The following RPS19BP1 variants were observed in gnomAD, a reference collection of about 807,000 sequenced individuals.
RPS19BP1 encodes the protein ribosomal protein S19 binding protein 1, also known as active regulator of SIRT1.
Under a neutral mutation model 16.6 loss-of-function variants are expected in RPS19BP1, and 14 were observed. The ratio of observed to expected loss-of-function variants is 0.84; its 90% confidence interval spans 0.56 to 1.32. The LOEUF is 1.32. Among genes scored for constraint, RPS19BP1 ranks in the 40% most tolerant of loss-of-function variants. RPS19BP1 has a pLI of 0.00. For missense variants in RPS19BP1, 188 were observed against 178.6 expected (o/e 1.05, Z -0.30); for synonymous variants, 90 against 77.3 (o/e 1.16, Z -0.86).
chr22:39,532,691 G>GGACGCCGCCAGCAGCTCCA lies in RPS19BP1; in HGVS notation c.29_47dup (p.Glu17GlyfsTer78). 1 of 1,544,520 alleles carries GGACGCCGCCAGCAGCTCCA rather than the reference G, an allele frequency of 6.5e-7. No individual in the cohort carries two copies. The highest frequency in any genetic ancestry group is 8.7e-7 in the Non-Finnish European group (1 of 1,148,090). ...CCCCTGGCCAGCCCTCCTCACCCTC[G>GGACGCCGCCAGCAGCTCCA]GACGCCGCCAGCAGCTCCAGGCCCC... On this transcript the variant is annotated frameshift_variant, in exon 1 of 4. Transcript: ENST00000334678. LOFTEE classifies it high-confidence loss of function.
intron 2 of RPS19BP1, chr22:39,530,725 C>CAA (rs113260203): frequency 1.8e-4 from 16 of 90,508 alleles, no homozygotes; most frequent in South Asian, 1.1e-3. Context: ...GACTCCATCT[C>CAA]AAAAAAAAAA....
Position 39,529,907 on chromosome 22 carries a change from C to G in RPS19BP1, c.192G>C (p.Arg64=). ...KVPKSALDEY[R]KRECRDHLRV... ...TGAGGTGGTCTCGACACTCTCGCTT[C>G]CGGTACTCGTCTGTGGGTAGCAGGC... The change falls in exon 3 of 4, where the codon CGG becomes CGC. Residue 64 remains arginine (R), a synonymous_variant. Coordinates refer to ENST00000334678, the MANE Select transcript of RPS19BP1 (RefSeq NM_194326.4). 2 of 1,614,140 alleles carry G rather than the reference C, an allele frequency of 1.2e-6. No individual in the cohort carries two copies. The highest frequency in any genetic ancestry group is 1.7e-6 in the Non-Finnish European group (2 of 1,179,952).
Position 39,529,634 on chromosome 22 carries a change from T to G in RPS19BP1, c.280-11A>C, listed in dbSNP as rs771103013. ...GTTCTGGCGCAAAATCTGGCGAGGG[T>G]GCGGGACCGAGGGCCCATCATTTCA... On this transcript the variant is annotated splice_polypyrimidine_tract_variant and intron_variant, in intron 3 of 3. Transcript: ENST00000334678. The G allele has an allele frequency of 6.2e-7, 1 of 1,613,300 alleles. No individual in the cohort carries two copies. Among genetic ancestry groups the G allele is most frequent in the Non-Finnish European group, 8.5e-7 (1 of 1,179,908 alleles).
intron 2 of RPS19BP1, 66 bp from the exon 3 acceptor site, chr22:39,529,983 G>T: frequency 7.5e-7 from 1 of 1,328,946 alleles, no homozygotes; most frequent in Non-Finnish European, 1.1e-6. Context: ...TCAGTCCCTG[G>T]CCCATGGCCC....
Position 39,529,278 on chromosome 22 carries a change from G to A in RPS19BP1, c.*214C>T. The A allele has an allele frequency of 1.6e-6, 1 of 630,588 alleles. No homozygotes were observed. 39.1% of individuals were successfully genotyped at this position (630,588 alleles called of 1,614,324 possible). On this transcript the variant is annotated 3_prime_UTR_variant, in exon 4 of 4. Coordinates refer to ENST00000334678, the MANE Select transcript of RPS19BP1 (RefSeq NM_194326.4). ...GTGCAGATGCTCTGCCCAGGCCTGC[G>A]GAAGCCAGCTCCGGTCTGTGTGTAA...
chr22:39,529,439 G>C lies in RPS19BP1; in HGVS notation c.*53C>G. 6.2e-7 allele frequency: 1 copy of C among 1,605,428 alleles called. No individual in the cohort carries two copies. Among genetic ancestry groups the C allele is most frequent in the Admixed American group, 1.7e-5 (1 of 58,442 alleles). On this transcript the variant is annotated 3_prime_UTR_variant, in exon 4 of 4. Coordinates refer to ENST00000334678, the MANE Select transcript of RPS19BP1 (RefSeq NM_194326.4). ...GCACGGCCGGTTCCTGGAGCCAGCAGGAGTCGGAGGCTGCAGGGCTTGAAG... is the reference window on the plus strand; with the variant it reads ...GCACGGCCGGTTCCTGGAGCCAGCACGAGTCGGAGGCTGCAGGGCTTGAAG...
chr22:39,530,451 C>G, intron 2 of RPS19BP1: 1 of 237,280 alleles, frequency 4.2e-6, no homozygotes, highest in Non-Finnish European at 8.7e-6. Context: ...TGGCTGGGTG[C>G]GGTGGCTCAC....
In RPS19BP1 at chr22:39,532,505, C is replaced by T; in HGVS notation, c.71G>A (p.Gly24Asp). The T allele has an allele frequency of 6.2e-7, 1 of 1,614,132 alleles. No homozygotes were observed. Among genetic ancestry groups the T allele is most frequent in the Non-Finnish European group, 8.5e-7 (1 of 1,180,022 alleles). The change falls in exon 2 of 4, where the codon GGT (glycine) becomes GAT (aspartate). Residue 24 changes from glycine (G) to aspartate (D), a missense_variant. Gly to Asp is a moderately conservative substitution (Grantham distance 94). Transcript: ENST00000334678. ...AASEAPRDPPGQAKPRGAPVK... is the reference protein window; with the variant it reads ...AASEAPRDPPDQAKPRGAPVK... ...CGGAGCCCCTCTCGGCTTGGCCTGA[C>T]CTGGAGGGTCCCGGGGGGCTGTAGG...
At chr22:39,531,174 C>T (rs1931301953) in intron 2 of RPS19BP1, 1 of 152,270 alleles carries the variant, frequency 6.6e-6, no homozygotes, top group Non-Finnish European at 1.5e-5. Flanking sequence ...TTAGGAGCTT[C>T]CATCCAACAG....
intron 2 of RPS19BP1, chr22:39,532,102 TC>T (rs1247636105): frequency 1.3e-5 from 5 of 374,914 alleles, no homozygotes; most frequent in Non-Finnish European, 2.4e-5. Flanking sequence ...TTGGCCTAAG[TC>T]CCCATCAGAG....
chr22:39,529,780 C>G (rs377444780), intron 3 of RPS19BP1, 40 bp downstream of exon 3: 3 of 1,605,034 alleles, frequency 1.9e-6, no homozygotes, highest in African/African-American at 2.7e-5. Context: ...AGCCTCGGCT[C>G]TCACCTCCCA....
chr22:39,530,105 C>T (rs1159180839), intron 2 of RPS19BP1, 188 bp from the exon 3 acceptor site: 2 of 602,388 alleles, frequency 3.3e-6, no homozygotes, highest in Non-Finnish European at 5.9e-6. Context: ...TTGGCCCCCA[C>T]CCCCATTTTC....
At chr22:39,531,750 A>T (rs898599606) in intron 2 of RPS19BP1, 1 of 152,492 alleles carries the variant, frequency 6.6e-6, no homozygotes, top group Non-Finnish European at 1.5e-5. Context: ...CCACCTGGGC[A>T]GGTGCCTTTT....
chr22:39,532,269 G>A, intron 2 of RPS19BP1, 126 bp downstream of exon 2: 1 of 1,403,024 alleles, frequency 7.1e-7, no homozygotes, highest in Admixed American at 2.2e-5. Flanking sequence ...GCCCCGCTCC[G>A]CGCCTGGCAC....
At chr22:39,530,444 C>T (rs1252512357) in intron 2 of RPS19BP1, 72 of 235,294 alleles carry the variant, frequency 3.1e-4, no homozygotes, top group Non-Finnish European at 4.4e-5. Context: ...GCTGGAATGG[C>T]TGGGTGCGGT....
chr22:39,529,997 C>A, intron 2 of RPS19BP1, 80 bp from the exon 3 acceptor site: 1 of 1,155,096 alleles, frequency 8.7e-7, no homozygotes, highest in Non-Finnish European at 1.3e-6. Context: ...ATGGCCCTGC[C>A]AAAGACCTCA....
intron 2 of RPS19BP1, 193 bp from the exon 3 acceptor site, chr22:39,530,110 A>G (rs1241062933): frequency 3.3e-6 from 2 of 597,720 alleles, no homozygotes; most frequent in African/African-American, 3.7e-5. Context: ...CCCCACCCCC[A>G]TTTTCCAACA....
intron 2 of RPS19BP1, chr22:39,530,501 G>C (rs988199755): frequency 3.9e-6 from 1 of 255,550 alleles, no homozygotes. Flanking sequence ...AGGCAGGCAG[G>C]TCACCTGAGG....
At chr22:39,530,073 T>C in intron 2 of RPS19BP1, 156 bp from the exon 3 acceptor site, 1 of 640,414 alleles carries the variant, frequency 1.6e-6, no homozygotes, top group Non-Finnish European at 2.7e-6. Context: ...TCCACACAGG[T>C]CCTGCTGAAA....
Sources: allele counts gnomAD v4.1 joint callset, GRCh38; gene constraint gnomAD v4.1.1; transcripts MANE v1.5; gene names NCBI Gene and HGNC (gene_info 2026-07-23, HGNC 2026-07-21).